The following AFG2A variants were observed in gnomAD, a reference collection of about 807,000 sequenced individuals.
The protein encoded by AFG2A is ATPase family gene 2 protein homolog A.
the AFG2A span, among the ~76,000 whole-genome samples, chr4:123,249,910 G>A: frequency 2.6e-5 from 4 of 152,126 alleles, no homozygotes; most frequent in Admixed American, 1.3e-4. Flanking sequence ...AGATAATTCA[G>A]AGCCGTTACC....
the AFG2A span, among the ~76,000 whole-genome samples, chr4:123,272,651 T>C: frequency 6.6e-6 from 1 of 152,326 alleles, no homozygotes; most frequent in African/African-American, 2.4e-5. Flanking sequence ...CCTACTCAGA[T>C]TGACATCTAC....
chr4:123,122,016 C>A, the AFG2A span, among the ~76,000 whole-genome samples: 1 of 152,096 alleles, frequency 6.6e-6, no homozygotes, highest in Non-Finnish European at 1.5e-5. Flanking sequence ...CTGACCCAGC[C>A]CTCATTGCAC....
chr4:123,159,052 C>G, the AFG2A span, among the ~76,000 whole-genome samples: 2 of 152,160 alleles, frequency 1.3e-5, no homozygotes, highest in Non-Finnish European at 2.9e-5. Flanking sequence ...TTATTTGACT[C>G]CTAGTCCAGT....
chr4:123,187,753 T>C, the AFG2A span, among the ~76,000 whole-genome samples: 2 of 152,078 alleles, frequency 1.3e-5, no homozygotes. Flanking sequence ...CCCTGCACTT[T>C]GGGAGGCTGA....
chr4:123,129,158 T>C, the AFG2A span, among the ~76,000 whole-genome samples: 1 of 152,226 alleles, frequency 6.6e-6, no homozygotes, highest in African/African-American at 2.4e-5. Context: ...AGGCAATACT[T>C]TAAGACAAAA....
chr4:123,003,636 A>G, the AFG2A span, among the ~76,000 whole-genome samples: 4 of 152,056 alleles, frequency 2.6e-5, no homozygotes, highest in Non-Finnish European at 4.4e-5. Context: ...CATGATCTGC[A>G]AATGCTGCTG....
chr4:123,275,349 C>T, the AFG2A span, among the ~76,000 whole-genome samples: 1 of 152,088 alleles, frequency 6.6e-6, no homozygotes, highest in Non-Finnish European at 1.5e-5. Flanking sequence ...TTCTTTTAAA[C>T]ACTGTCTTAA....
chr4:123,022,877 C>T, the AFG2A span, among the ~76,000 whole-genome samples: 1 of 151,952 alleles, frequency 6.6e-6, no homozygotes, highest in Admixed American at 6.6e-5. Context: ...GAGTTCATGT[C>T]CTTTGTAGGG....
At chr4:122,947,141 T>C in the AFG2A span, 1 of 1,298,392 alleles carries the variant, frequency 7.7e-7, no homozygotes, top group Non-Finnish European at 1.0e-6. Context: ...CAGTTAGATG[T>C]TTCATCCTTG....
At chr4:123,094,235 G>A in the AFG2A span, among the ~76,000 whole-genome samples, 2 of 152,168 alleles carry the variant, frequency 1.3e-5, no homozygotes, top group South Asian at 2.1e-4. Flanking sequence ...TGTGGGAAAC[G>A]GCAACACTTT....
the AFG2A span, chr4:122,929,208 T>A: frequency 6.4e-7 from 1 of 1,555,090 alleles, no homozygotes; most frequent in Non-Finnish European, 8.7e-7. Context: ...GTTTGGCTCT[T>A]TTCTTTGGTG....
chr4:122,931,584 A>G, the AFG2A span, among the ~76,000 whole-genome samples: 1 of 152,050 alleles, frequency 6.6e-6, no homozygotes, highest in African/African-American at 2.4e-5. Flanking sequence ...GGTAGATTTT[A>G]TTTTCTTTAT....
chr4:123,219,874 T>A, the AFG2A span, among the ~76,000 whole-genome samples: 398 of 139,468 alleles, frequency 2.9e-3, no homozygotes, highest in Non-Finnish European at 3.5e-3. Context: ...TGAAAAAAAA[T>A]TTTTTTTTTT....
At chr4:123,185,636 A>G in the AFG2A span, among the ~76,000 whole-genome samples, 399 of 152,294 alleles carry the variant, frequency 2.6e-3, 5 homozygotes, top group Non-Finnish European at 4.2e-3. Context: ...AAATAAGACT[A>G]GTGTTACCTA....
chr4:123,288,553 G>A, the AFG2A span, among the ~76,000 whole-genome samples: 140 of 152,260 alleles, frequency 9.2e-4, no homozygotes, highest in African/African-American at 3.1e-3. Context: ...AACACCTGCA[G>A]TATCCTTCTC....
At chr4:123,110,445 CAAAG>C in the AFG2A span, among the ~76,000 whole-genome samples, 1 of 151,912 alleles carries the variant, frequency 6.6e-6, no homozygotes, top group Non-Finnish European at 1.5e-5. Flanking sequence ...TCATGGAAAA[CAAAG>C]AAGTAAAAAT....
the AFG2A span, among the ~76,000 whole-genome samples, chr4:123,065,488 A>G: frequency 1.4e-4 from 22 of 152,302 alleles, 1 homozygote; most frequent in South Asian, 8.3e-4. Context: ...GAAAAGTTCA[A>G]TGTTTCTTCT....
the AFG2A span, among the ~76,000 whole-genome samples, chr4:122,969,913 T>G: frequency 6.6e-6 from 1 of 152,258 alleles, no homozygotes; most frequent in Non-Finnish European, 1.5e-5. Context: ...CATAACGATG[T>G]TTTAGTCAAG....
chr4:122,980,849 T>C, the AFG2A span, among the ~76,000 whole-genome samples: 12 of 152,186 alleles, frequency 7.9e-5, no homozygotes, highest in East Asian at 5.8e-4. Context: ...TGTTTGTTTT[T>C]TTTTGCTTTT....
Sources: gnomAD v4.1 joint callset for allele counts (sites outside exome capture counted in the v4.1 genomes callset) on GRCh38, gnomAD v4.1.1 for gene constraint, MANE v1.5 for transcripts, NCBI Gene and HGNC (gene_info 2026-07-23, HGNC 2026-07-21) for gene names.